PFKFB3: variants seen among roughly 807,000 people sequenced by gnomAD.
PFKFB3 encodes the protein 6-phosphofructo-2-kinase/fructose-2,6-biphosphatase 3, also known as 6-phosphofructo-2-kinase/fructose-2,6-bisphosphatase 3.
A neutral mutation model predicts 68.0 loss-of-function variants in PFKFB3; 33 were observed. The ratio of observed to expected loss-of-function variants is 0.49; its 90% confidence interval spans 0.37 to 0.65. The LOEUF (loss-of-function observed/expected upper bound fraction) is 0.65. Among genes scored for constraint, PFKFB3 ranks in the 30% least tolerant of loss-of-function variants. The pLI is 0.00. For missense variants in PFKFB3, 586 were observed against 712.2 expected, an observed-to-expected ratio of 0.82 and a Z score of 2.02; for synonymous variants, 315 against 288.2, an observed-to-expected ratio of 1.09 and a Z score of -0.94.
intron 13 of PFKFB3, 118 bp from the exon 14 acceptor site, chr10:6,226,074 C>G (rs1281462998): frequency 2.2e-6 from 2 of 908,950 alleles, no homozygotes; most frequent in Admixed American, 2.5e-5. Flanking sequence ...CGGCCACTCC[C>G]CTCGGTCAGT....
chr10:6,157,141 G>T (rs1841828315), intron 1 of PFKFB3, among the ~76,000 whole-genome samples: 2 of 151,750 alleles, frequency 1.3e-5, no homozygotes, highest in Non-Finnish European at 1.5e-5. Context: ...ATTCTGCCAG[G>T]CTTATTAGAA....
chr10:6,155,906 T>C (rs1020787261), intron 1 of PFKFB3, among the ~76,000 whole-genome samples: 1 of 152,178 alleles, frequency 6.6e-6, no homozygotes, highest in East Asian at 1.9e-4. Context: ...GGCTTGAAAC[T>C]TTGGAAGATA....
At chr10:6,160,110 T>G (rs1483152230) in intron 1 of PFKFB3, among the ~76,000 whole-genome samples, 1 of 152,160 alleles carries the variant, frequency 6.6e-6, no homozygotes, top group Admixed American at 6.5e-5. Context: ...ACAATGCTTT[T>G]TAGGAATATA....
chr10:6,148,165 G>T (rs1481793354), intron 1 of PFKFB3, among the ~76,000 whole-genome samples: 3 of 152,230 alleles, frequency 2.0e-5, no homozygotes, highest in Non-Finnish European at 2.9e-5. Flanking sequence ...AAGTGCCAGG[G>T]AGGGGAGTCA....
chr10:6,205,933 G>A (rs1374096958), intron 1 of PFKFB3, among the ~76,000 whole-genome samples: 2 of 151,662 alleles, frequency 1.3e-5, no homozygotes, highest in African/African-American at 2.4e-5. Context: ...CAGTAGCCGG[G>A]ACTATAAGTG....
At chr10:6,242,979 A>C (rs946241461) in intron 14 of PFKFB3, among the ~76,000 whole-genome samples, 1 of 152,336 alleles carries the variant, frequency 6.6e-6, no homozygotes, top group Admixed American at 6.5e-5. Context: ...TGAGGCTTTT[A>C]TAATATGACT....
At chr10:6,324,698 A>C in the PFKFB3 span, among the ~76,000 whole-genome samples, 2 of 152,070 alleles carry the variant, frequency 1.3e-5, no homozygotes, top group Non-Finnish European at 2.9e-5. Flanking sequence ...CAGAAGTGTT[A>C]GGGTTACAGG....
At chr10:6,217,031 TG>T in intron 5 of PFKFB3, 103 bp from the exon 6 acceptor site, 2 of 1,154,162 alleles carry the variant, frequency 1.7e-6, no homozygotes, top group Non-Finnish European at 2.6e-6. Flanking sequence ...TGGGAGTTGG[TG>T]GGTGGCGTGC....
chr10:6,264,517 A>G, the PFKFB3 span, among the ~76,000 whole-genome samples: 13 of 152,222 alleles, frequency 8.5e-5, no homozygotes, highest in African/African-American at 2.6e-4. Flanking sequence ...TTTAATGTTT[A>G]TGTCTTCTGT....
chr10:6,324,351 G>A, the PFKFB3 span, among the ~76,000 whole-genome samples: 5 of 152,170 alleles, frequency 3.3e-5, no homozygotes, highest in Non-Finnish European at 7.3e-5. Flanking sequence ...TTCTGTAGTG[G>A]GTATAGACTT....
At chr10:6,324,571 C>T in the PFKFB3 span, among the ~76,000 whole-genome samples, 4 of 152,184 alleles carry the variant, frequency 2.6e-5, no homozygotes, top group East Asian at 3.9e-4. Flanking sequence ...GGATTACAGG[C>T]ACCCGCCACC....
downstream of PFKFB3, among the ~76,000 whole-genome samples, chr10:6,236,888 G>T (rs11257482): frequency 6.6e-6 from 1 of 152,064 alleles, no homozygotes; most frequent in East Asian, 1.9e-4. Flanking sequence ...GACTAAATAC[G>T]GAAGATTCAG....
At chr10:6,195,657 G>A (rs1378356519) in intron 1 of PFKFB3, among the ~76,000 whole-genome samples, 30 of 152,200 alleles carry the variant, frequency 2.0e-4, no homozygotes, top group Admixed American at 1.9e-3. Flanking sequence ...ACTTCCAGGA[G>A]GATCACAACT....
chr10:6,198,913 T>C (rs1027803426), upstream of PFKFB3, among the ~76,000 whole-genome samples: 4 of 152,244 alleles, frequency 2.6e-5, no homozygotes, highest in Admixed American at 2.0e-4. Context: ...ATTTTAACAA[T>C]TACCAATAAA....
the PFKFB3 span, among the ~76,000 whole-genome samples, chr10:6,271,712 G>C: frequency 1.6e-4 from 24 of 152,148 alleles, no homozygotes; most frequent in Non-Finnish European, 2.9e-4. Flanking sequence ...AAAAGTGAAT[G>C]TTCAATAAAG....
intron 14 of PFKFB3, among the ~76,000 whole-genome samples, chr10:6,252,779 A>G (rs1024228804): frequency 1.8e-4 from 28 of 152,230 alleles, no homozygotes; most frequent in African/African-American, 5.8e-4. Context: ...CTCTATGTGT[A>G]TATTATGCCA....
the PFKFB3 span, among the ~76,000 whole-genome samples, chr10:6,262,371 G>A: frequency 0.05 from 2,289 of 45,436 alleles, 65 homozygotes; most frequent in African/African-American, 0.11. Context: ...GGAGAATGGC[G>A]TGAACCCTGG....
intron 2 of PFKFB3, among the ~76,000 whole-genome samples, chr10:6,214,466 C>T (rs1377365049): frequency 6.6e-6 from 1 of 151,960 alleles, no homozygotes; most frequent in African/African-American, 2.4e-5. Flanking sequence ...AGAATCTCTG[C>T]TTGGTCTTCC....
chr10:6,168,184 G>A (rs896110132), intron 1 of PFKFB3, among the ~76,000 whole-genome samples: 2 of 152,200 alleles, frequency 1.3e-5, no homozygotes, highest in Non-Finnish European at 2.9e-5. Context: ...GTGACTAGAG[G>A]TAGTGGGAGG....
Sources: allele counts gnomAD v4.1 joint callset (sites outside exome capture counted in the v4.1 genomes callset), GRCh38; gene constraint gnomAD v4.1.1; transcripts MANE v1.5; gene names NCBI Gene and HGNC (gene_info 2026-07-23, HGNC 2026-07-21).